The following SGCZ variants were observed in gnomAD, a reference collection of about 807,000 sequenced individuals.
SGCZ encodes sarcoglycan zeta, also known as zeta-sarcoglycan.
SGCZ carries 40 observed loss-of-function variants against 41.3 expected under a neutral mutation model. The ratio of observed to expected loss-of-function variants is 0.97; its 90% CI spans 0.75 to 1.26. The LOEUF (loss-of-function observed/expected upper bound fraction) is 1.26, where lower values mean the gene tolerates loss of function less well. Ranked by LOEUF, SGCZ falls within the 50% of genes most tolerant of loss-of-function variation. The pLI, the probability that SGCZ is intolerant of heterozygous loss-of-function variation, is 0.00. For missense variants in SGCZ, 552 were observed against 369.8 expected (o/e 1.49, Z -4.04); for synonymous variants, 206 against 137.5 (o/e 1.50, Z -3.49).
intron 1 of SGCZ, among the ~76,000 whole-genome samples, chr8:14,718,247 T>G (rs556540821): frequency 6.6e-6 from 1 of 151,976 alleles, no homozygotes; most frequent in East Asian, 1.9e-4. Flanking sequence ...TTTTTAATGT[T>G]TTAATTTTTC....
chr8:14,456,011 G>A (rs753655012), intron 2 of SGCZ, among the ~76,000 whole-genome samples: 1 of 152,154 alleles, frequency 6.6e-6, no homozygotes, highest in Non-Finnish European at 1.5e-5. Context: ...ACTGTTAAAT[G>A]GCTACAAGGC....
At position 14,108,234 on chromosome 8, in the gene SGCZ, G is replaced by A. The variant is rs1218945078; in HGVS notation, c.549C>T (p.Gly183=). The A allele has an allele frequency of 1.2e-6, 2 of 1,614,062 alleles. No individual in the cohort carries two copies. Residue 183 remains glycine, a splice_region_variant and synonymous_variant, in exon 6 of 8, where the codon GGC becomes GGT. Transcript: ENST00000382080. The part of the protein sequence containing the change: ...TIGAEKLKVT[G]TEGAVFGHSV... ...AGTGCCCAAATACGGCTCCTTCAGT[G>A]CCTGGGGGTAGCATGAATATAGCAG...
chr8:14,471,916 C>G (rs562287567), intron 2 of SGCZ, among the ~76,000 whole-genome samples: 111 of 152,104 alleles, frequency 7.3e-4, no homozygotes, highest in African/African-American at 2.6e-3. Context: ...CAAATAAATA[C>G]ATCATCATCT....
At chr8:14,553,298 G>C (rs58744692) in intron 2 of SGCZ, among the ~76,000 whole-genome samples, 13,726 of 151,974 alleles carry the variant, frequency 0.09, 795 homozygotes, top group African/African-American at 0.16. Context: ...CATTCCCAGA[G>C]AATCTCATAA....
chr8:14,112,279 T>C (rs1179567432), intron 5 of SGCZ, among the ~76,000 whole-genome samples: 3 of 113,668 alleles, frequency 2.6e-5, no homozygotes, highest in African/African-American at 1.0e-4. Flanking sequence ...AGTTTTTTTT[T>C]TTGTGGGGGG....
chr8:15,186,363 A>G (rs535598451), intron 1 of SGCZ, among the ~76,000 whole-genome samples: 22 of 151,492 alleles, frequency 1.5e-4, no homozygotes, highest in African/African-American at 5.3e-4. Context: ...CGCTGATATA[A>G]ATACTGGCTC....
intron 1 of SGCZ, among the ~76,000 whole-genome samples, chr8:14,580,352 C>A (rs930611447): frequency 2.0e-5 from 3 of 152,078 alleles, no homozygotes; most frequent in East Asian, 3.9e-4. Flanking sequence ...TTCAAGAAAC[C>A]ATTTTTGAAG....
intron 1 of SGCZ, among the ~76,000 whole-genome samples, chr8:14,689,756 A>C (rs1808737758): frequency 1.3e-5 from 2 of 152,316 alleles, no homozygotes; most frequent in East Asian, 3.9e-4. Context: ...TCTTCCAGAT[A>C]GAGGCAGTGG....
intron 1 of SGCZ, among the ~76,000 whole-genome samples, chr8:15,145,343 C>T (rs950207569): frequency 5.9e-5 from 9 of 152,238 alleles, no homozygotes; most frequent in African/African-American, 2.2e-4. Context: ...TTGTCAATAC[C>T]CTCAAATGAA....
chr8:14,453,040 C>T (rs1800640081), intron 2 of SGCZ, among the ~76,000 whole-genome samples: 1 of 151,972 alleles, frequency 6.6e-6, no homozygotes, highest in African/African-American at 2.4e-5. Flanking sequence ...GAGGCAGAGG[C>T]TGCAGGGAGC....
At chr8:14,640,371 C>G (rs1290909813) in intron 1 of SGCZ, among the ~76,000 whole-genome samples, 2 of 151,794 alleles carry the variant, frequency 1.3e-5, no homozygotes, top group Non-Finnish European at 3.0e-5. Context: ...ATCCTGTCTT[C>G]TAGTTCCCAT....
intron 1 of SGCZ, among the ~76,000 whole-genome samples, chr8:14,841,299 G>C (rs1802900722): frequency 6.6e-6 from 1 of 151,928 alleles, no homozygotes; most frequent in South Asian, 2.1e-4. Flanking sequence ...CTCCAAAGAA[G>C]CTCTCAGGCT....
At chr8:14,525,763 A>G (rs558357426) in intron 2 of SGCZ, among the ~76,000 whole-genome samples, 47 of 152,268 alleles carry the variant, frequency 3.1e-4, no homozygotes, top group Non-Finnish European at 5.7e-4. Flanking sequence ...TTAAATTACA[A>G]TAAACTTTAA....
chr8:14,184,096 T>A (rs749893004), intron 4 of SGCZ, among the ~76,000 whole-genome samples: 1 of 152,204 alleles, frequency 6.6e-6, no homozygotes, highest in Non-Finnish European at 1.5e-5. Context: ...ATCATTTTCA[T>A]ATAATGTAAA....
At chr8:14,246,109 A>G (rs1169133281) in intron 3 of SGCZ, among the ~76,000 whole-genome samples, 2 of 152,218 alleles carry the variant, frequency 1.3e-5, no homozygotes, top group Non-Finnish European at 2.9e-5. Context: ...ATATACCCAA[A>G]GGATTAGAAA....
chr8:14,342,097 C>G (rs1419963514), intron 2 of SGCZ, among the ~76,000 whole-genome samples: 1 of 152,130 alleles, frequency 6.6e-6, no homozygotes, highest in East Asian at 1.9e-4. Flanking sequence ...TTCCTACAAA[C>G]TTGTTGAATG....
At chr8:14,526,313 G>A (rs187894813) in intron 2 of SGCZ, among the ~76,000 whole-genome samples, 33 of 152,144 alleles carry the variant, frequency 2.2e-4, no homozygotes, top group Admixed American at 1.0e-3. Flanking sequence ...GTCAGTATAT[G>A]GCAAAATTTC....
At chr8:14,205,878 A>AG (rs1215127318) in intron 4 of SGCZ, among the ~76,000 whole-genome samples, 4 of 152,314 alleles carry the variant, frequency 2.6e-5, no homozygotes, top group African/African-American at 7.2e-5. Flanking sequence ...TTCATAAAAA[A>AG]CAAATTACCC....
At chr8:15,203,372 A>C (rs981494160) in intron 1 of SGCZ, among the ~76,000 whole-genome samples, 5 of 152,152 alleles carry the variant, frequency 3.3e-5, no homozygotes, top group African/African-American at 1.2e-4. Flanking sequence ...AATTATACCA[A>C]TGTCAGGCAT....
Sources: gnomAD v4.1 joint callset for allele counts (sites outside exome capture counted in the v4.1 genomes callset) on GRCh38, gnomAD v4.1.1 for gene constraint, MANE v1.5 for transcripts, NCBI Gene and HGNC (gene_info 2026-07-23, HGNC 2026-07-21) for gene names.